The following CWC27 variants were observed in gnomAD, a reference collection of about 807,000 sequenced individuals.
CWC27 encodes spliceosome-associated protein CWC27 homolog.
In CWC27, 47 loss-of-function variants were observed where a neutral mutation model predicts 63.6. That is an observed-to-expected ratio of 0.74 (90% CI 0.58 to 0.94). The LOEUF is 0.94. CWC27 is among the 40% of genes least tolerant of loss of function. The pLI is 0.00. For missense variants in CWC27, 495 were observed against 554.3 expected (o/e 0.89, Z 1.07); for synonymous variants, 175 against 179.8 (o/e 0.97, Z 0.22).
At chr5:64,926,972 A>G (rs1013889179) in intron 11 of CWC27, among the ~76,000 whole-genome samples, 6 of 152,240 alleles carry the variant, frequency 3.9e-5, no homozygotes, top group South Asian at 2.1e-4. Context: ...AATAGTTATT[A>G]TCATCACTAG....
chr5:64,825,966 A>G (rs181720265), intron 10 of CWC27, among the ~76,000 whole-genome samples: 1 of 152,230 alleles, frequency 6.6e-6, no homozygotes, highest in Non-Finnish European at 1.5e-5. Context: ...TAGTAGCTTC[A>G]GTTCATGCCC....
intron 11 of CWC27, among the ~76,000 whole-genome samples, chr5:64,917,169 C>A (rs1238069452): frequency 6.6e-6 from 1 of 152,048 alleles, no homozygotes. Flanking sequence ...ATTAATTTTG[C>A]AGTATTTTGT....
chr5:64,840,394 AATATATATATATATATATATAT>A lies in CWC27; in HGVS notation c.938+36024_938+36045del, dbSNP rs61685920. The stretch of plus-strand genomic sequence containing the variant: ...AAAAAAAAAAAAAAAAAAAAAAAAA[AATATATATATATATATATATAT>A]ATATATATATATATACTTATTAAGG... On this transcript the variant is annotated intron_variant, in intron 10 of 13. Transcript: ENST00000381070. Among the ~76,000 whole-genome samples the A allele has an allele frequency of 2.7e-3, 52 of 19,496 alleles. 1 individual carries two copies. The highest frequency in any genetic ancestry group is 3.3e-3 in the South Asian group (1 of 304). The allele number at this position is 19,496 out of a possible 152,430, so 12.8% of individuals were successfully genotyped here. A position where few individuals can be genotyped will look rare whatever the true frequency, so the allele number is the denominator to read the frequency against.
At chr5:64,937,678 A>G (rs754807583) in intron 11 of CWC27, among the ~76,000 whole-genome samples, 25 of 152,144 alleles carry the variant, frequency 1.6e-4, no homozygotes, top group Non-Finnish European at 3.4e-4. Context: ...GATCTGTCTA[A>G]TATTGACAGT....
intron 11 of CWC27, among the ~76,000 whole-genome samples, chr5:64,905,241 A>G (rs1223337152): frequency 2.0e-5 from 3 of 149,134 alleles, no homozygotes; most frequent in Admixed American, 6.7e-5. Context: ...ATGAATGCAT[A>G]TCTTTTCTTT....
intron 10 of CWC27, among the ~76,000 whole-genome samples, chr5:64,883,585 G>A (rs1281822527): frequency 6.6e-6 from 1 of 152,036 alleles, no homozygotes; most frequent in African/African-American, 2.4e-5. Context: ...TAAGAAGAAA[G>A]GAGAAGGAAG....
chr5:64,904,813 CTAAGA>C (rs1747591224), intron 11 of CWC27, among the ~76,000 whole-genome samples: 1 of 152,156 alleles, frequency 6.6e-6, no homozygotes, highest in South Asian at 2.1e-4. Context: ...AGATGACTTC[CTAAGA>C]TATCTTTCAG....
chr5:64,895,977 A>G (rs1037806554), intron 11 of CWC27, among the ~76,000 whole-genome samples: 2 of 152,284 alleles, frequency 1.3e-5, no homozygotes, highest in East Asian at 3.9e-4. Flanking sequence ...ATTTAGAGAG[A>G]TGATACTGAG....
chr5:64,791,986 T>C (rs1340919432), intron 7 of CWC27, among the ~76,000 whole-genome samples: 1 of 152,158 alleles, frequency 6.6e-6, no homozygotes, highest in Non-Finnish European at 1.5e-5. Flanking sequence ...ACTGGACTGG[T>C]GTGGTAGTCT....
chr5:64,965,334 A>T (rs886380280), intron 11 of CWC27, among the ~76,000 whole-genome samples: 2 of 152,220 alleles, frequency 1.3e-5, no homozygotes, highest in African/African-American at 4.8e-5. Flanking sequence ...GAGGACAAAA[A>T]GTCAAGTTTT....
chr5:64,899,766 C>CA (rs1357443421), intron 11 of CWC27, among the ~76,000 whole-genome samples: 1 of 152,224 alleles, frequency 6.6e-6, no homozygotes, highest in Non-Finnish European at 1.5e-5. Flanking sequence ...AACATCACCA[C>CA]AATCTAGATA....
intron 13 of CWC27, among the ~76,000 whole-genome samples, chr5:64,980,894 C>T (rs1025298023): frequency 2.6e-5 from 4 of 152,174 alleles, no homozygotes; most frequent in Non-Finnish European, 4.4e-5. Flanking sequence ...GAGTTTGAGA[C>T]CAGCCTGGCC....
At chr5:64,821,241 C>A (rs1368331937) in intron 10 of CWC27, among the ~76,000 whole-genome samples, 1 of 152,048 alleles carries the variant, frequency 6.6e-6, no homozygotes, top group Non-Finnish European at 1.5e-5. Flanking sequence ...CGTGCCACCA[C>A]ACCCAGCTAA....
intron 13 of CWC27, among the ~76,000 whole-genome samples, chr5:64,998,977 C>G (rs1186061561): frequency 6.6e-6 from 1 of 151,714 alleles, no homozygotes; most frequent in East Asian, 1.9e-4. Flanking sequence ...CTCCATTGAT[C>G]TCTTTCTCTC....
At chr5:64,844,568 G>A (rs930478492) in intron 10 of CWC27, among the ~76,000 whole-genome samples, 3 of 152,304 alleles carry the variant, frequency 2.0e-5, no homozygotes, top group East Asian at 1.9e-4. Flanking sequence ...GAGAAGTCAA[G>A]CAGCAGCTCC....
At chr5:64,902,475 G>T (rs117184491) in intron 11 of CWC27, among the ~76,000 whole-genome samples, 1 of 152,142 alleles carries the variant, frequency 6.6e-6, no homozygotes, top group Non-Finnish European at 1.5e-5. Flanking sequence ...TTGTTGAAAA[G>T]ACAATCCTTT....
At chr5:64,838,063 G>A (rs1745701470) in intron 10 of CWC27, among the ~76,000 whole-genome samples, 1 of 152,022 alleles carries the variant, frequency 6.6e-6, no homozygotes, top group Non-Finnish European at 1.5e-5. Context: ...ATTAGTGTTG[G>A]TCATATAGTT....
At chr5:64,930,907 T>G (rs997772221) in intron 11 of CWC27, among the ~76,000 whole-genome samples, 1 of 152,026 alleles carries the variant, frequency 6.6e-6, no homozygotes, top group Non-Finnish European at 1.5e-5. Context: ...CAAACCAAAT[T>G]AAGGAATATT....
chr5:64,972,487 T>A (rs1384731775), intron 12 of CWC27, among the ~76,000 whole-genome samples: 2 of 152,046 alleles, frequency 1.3e-5, no homozygotes, highest in South Asian at 2.1e-4. Flanking sequence ...GCCATATATA[T>A]GTTTATATAG....
Sources: allele counts gnomAD v4.1 joint callset (sites outside exome capture counted in the v4.1 genomes callset), GRCh38; gene constraint gnomAD v4.1.1; transcripts MANE v1.5; gene names NCBI Gene and HGNC (gene_info 2026-07-23, HGNC 2026-07-21).